The following TMEM74 variants were observed in gnomAD, a reference collection of about 807,000 sequenced individuals.
TMEM74 encodes the protein transmembrane protein 74.
A neutral mutation model predicts 18.1 loss-of-function variants in TMEM74; 13 were observed. That is an observed-to-expected ratio of 0.72 (90% CI 0.47 to 1.14). The LOEUF (loss-of-function observed/expected upper bound fraction) is 1.14, where lower values mean the gene tolerates loss of function less well. Among genes scored for constraint, TMEM74 ranks in the 50% most tolerant of loss-of-function variants. The pLI is 0.00. For synonymous variants in TMEM74, 159 were observed against 146.6 expected, an observed-to-expected ratio of 1.08 and a Z score of -0.61; for missense variants, 372 against 375.9, an observed-to-expected ratio of 0.99 and a Z score of 0.09.
At chr8:108,628,442 T>C (rs1241922347) in intron 2 of TMEM74, among the ~76,000 whole-genome samples, 1 of 152,048 alleles carries the variant, frequency 6.6e-6, no homozygotes, top group Non-Finnish European at 1.5e-5. Context: ...TTCATCTATG[T>C]CCCTGCAAAG....
intron 2 of TMEM74, among the ~76,000 whole-genome samples, chr8:108,643,522 G>T (rs1317271996): frequency 1.3e-5 from 2 of 152,068 alleles, no homozygotes; most frequent in African/African-American, 4.8e-5. Flanking sequence ...TTTTTGGAAA[G>T]TGTAAGGCAG....
At chr8:108,744,418 G>A (rs1468756879) in intron 1 of TMEM74, among the ~76,000 whole-genome samples, 2 of 152,130 alleles carry the variant, frequency 1.3e-5, no homozygotes, top group African/African-American at 4.8e-5. Flanking sequence ...CACTTCTGTG[G>A]CTGTTTTTAC....
At chr8:108,724,906 T>C (rs1813620231) in intron 1 of TMEM74, among the ~76,000 whole-genome samples, 1 of 152,200 alleles carries the variant, frequency 6.6e-6, no homozygotes, top group South Asian at 2.1e-4. Flanking sequence ...TGCTTAGGAC[T>C]CTCTGATGGC....
At chr8:108,761,103 A>C (rs1023722895) in intron 1 of TMEM74, among the ~76,000 whole-genome samples, 15 of 152,050 alleles carry the variant, frequency 9.9e-5, no homozygotes, top group African/African-American at 3.6e-4. Context: ...TTCGTTCATC[A>C]ATTCGTTCCT....
intron 1 of TMEM74, among the ~76,000 whole-genome samples, chr8:108,698,082 C>G (rs1330189926): frequency 6.6e-6 from 1 of 152,102 alleles, no homozygotes. Flanking sequence ...GCAATACTTT[C>G]CCTGTATGGA....
chr8:108,635,677 C>A (rs1039719355), intron 2 of TMEM74, among the ~76,000 whole-genome samples: 1 of 152,046 alleles, frequency 6.6e-6, no homozygotes, highest in Non-Finnish European at 1.5e-5. Context: ...GACATCTATT[C>A]ATTAAAACCA....
intron 1 of TMEM74, among the ~76,000 whole-genome samples, chr8:108,659,247 G>C (rs987572904): frequency 2.6e-4 from 5 of 19,518 alleles, no homozygotes; most frequent in African/African-American, 1.6e-3. Context: ...TTTATAGATA[G>C]CCCACTAACA....
chr8:108,725,297 C>A (rs1378185154), intron 1 of TMEM74, among the ~76,000 whole-genome samples: 1 of 152,092 alleles, frequency 6.6e-6, no homozygotes, highest in Non-Finnish European at 1.5e-5. Context: ...ATTTGTTTAT[C>A]TTTGTGTTTC....
In TMEM74 at chr8:108,730,906, A is replaced by G. The variant is rs189497045; in HGVS notation, n.119+56570T>C. ...TCGGCTCCCAAAGTGCTGGGATTAC[A>G]GGCGTGAGCCACCGCGCCCTGCCAC... is the stretch of plus-strand genomic sequence containing the variant. On this transcript the variant is annotated intron_variant and non_coding_transcript_variant, in intron 1 of 3. Transcript: ENST00000518838. 1.3e-3 allele frequency among the ~76,000 whole-genome samples: 193 copies of G among 152,268 alleles called. 1 individual carries two copies. The highest frequency in any genetic ancestry group is 4.3e-3 in the African/African-American group (178 of 41,548).
At chr8:108,768,694 A>G (rs932384211) in intron 1 of TMEM74, among the ~76,000 whole-genome samples, 6 of 152,068 alleles carry the variant, frequency 3.9e-5, no homozygotes, top group African/African-American at 1.4e-4. Context: ...GCCAGTGCAT[A>G]TGAGGGTCCG....
At chr8:108,694,945 C>G (rs1024711099) in intron 1 of TMEM74, among the ~76,000 whole-genome samples, 5 of 152,166 alleles carry the variant, frequency 3.3e-5, no homozygotes, top group African/African-American at 1.2e-4. Flanking sequence ...CACAAGCATT[C>G]CCCTTTGCCT....
Position 108,779,792 on chromosome 8 carries a change from C to T in TMEM74, c.*4389G>A, listed in dbSNP as rs1333261964. Among the ~76,000 whole-genome samples the T allele has an allele frequency of 1.3e-5, 2 of 152,172 alleles. No homozygotes were observed. Among genetic ancestry groups the T allele is most frequent in the East Asian group, 3.9e-4 (2 of 5,190 alleles). On this transcript the variant is annotated 3_prime_UTR_variant, in exon 2 of 2. Coordinates refer to ENST00000297459, the MANE Select transcript of TMEM74 (RefSeq NM_153015.3). ...GAGTGCACATAAATCTGCACACAAA[C>T]ATAAACCACGAGTACACTCTTGAGT...
chr8:108,738,069 T>C (rs1813765695), intron 1 of TMEM74, among the ~76,000 whole-genome samples: 1 of 152,062 alleles, frequency 6.6e-6, no homozygotes, highest in Non-Finnish European at 1.5e-5. Flanking sequence ...TCTCTCCCCC[T>C]GTGCTTATCT....
At chr8:108,737,276 G>A (rs2130643532) in intron 1 of TMEM74, among the ~76,000 whole-genome samples, 1 of 152,250 alleles carries the variant, frequency 6.6e-6, no homozygotes, top group Non-Finnish European at 1.5e-5. Flanking sequence ...GACGTAATAT[G>A]TATAAAGTGC....
intron 2 of TMEM74, among the ~76,000 whole-genome samples, chr8:108,614,753 TG>T (rs1258538927): frequency 6.6e-6 from 1 of 152,084 alleles, no homozygotes; most frequent in Non-Finnish European, 1.5e-5. Flanking sequence ...AGGTGGGCAT[TG>T]AGTGTTACAT....
At chr8:108,670,958 G>C (rs1030852342) in intron 1 of TMEM74, among the ~76,000 whole-genome samples, 1 of 152,138 alleles carries the variant, frequency 6.6e-6, no homozygotes, top group Non-Finnish European at 1.5e-5. Context: ...AGGCACACTA[G>C]AGAAGAAGTT....
Position 108,664,477 on chromosome 8 carries a change from A to T in TMEM74, n.120-9040T>A, listed in dbSNP as rs1196756742. 2.0e-5 allele frequency among the ~76,000 whole-genome samples: 3 copies of T among 152,088 alleles called. No homozygotes were observed. The East Asian group carries it at 5.8e-4, about 29-fold the overall frequency. On this transcript the variant is annotated intron_variant and non_coding_transcript_variant, in intron 1 of 3. Transcript: ENST00000518838. ...TTACTGATTTTTGTACATTGATTAC[A>T]TTGATTTTGTATCTCAAGACTTCGT...
chr8:108,744,451 G>T (rs1333327593), intron 1 of TMEM74, among the ~76,000 whole-genome samples: 1 of 152,134 alleles, frequency 6.6e-6, no homozygotes, highest in South Asian at 2.1e-4. Flanking sequence ...AGGAGGTTTA[G>T]TATTTATACA....
intron 1 of TMEM74, among the ~76,000 whole-genome samples, chr8:108,742,071 T>A (rs1411971697): frequency 6.6e-6 from 1 of 152,116 alleles, no homozygotes; most frequent in East Asian, 1.9e-4. Context: ...CTGCATGTTC[T>A]CCCTTCTAAG....
Sources: gnomAD v4.1 joint callset for allele counts (sites outside exome capture counted in the v4.1 genomes callset) on GRCh38, gnomAD v4.1.1 for gene constraint, MANE v1.5 for transcripts, NCBI Gene and HGNC (gene_info 2026-07-23, HGNC 2026-07-21) for gene names.